The following ENPP6 variants were observed in gnomAD, a reference collection of about 807,000 sequenced individuals.
ENPP6 encodes the protein ectonucleotide pyrophosphatase/phosphodiesterase 6.
Under a neutral mutation model 42.0 loss-of-function variants are expected in ENPP6, and 32 were observed. The ratio of observed to expected loss-of-function variants is 0.76; its 90% confidence interval spans 0.58 to 1.02. The LOEUF (loss-of-function observed/expected upper bound fraction) is 1.02, where lower values mean the gene tolerates loss of function less well. ENPP6 is among the 50% of genes least tolerant of loss of function. The probability of loss-of-function intolerance (pLI) is 0.00; values close to 1 mark genes in which losing one functional copy is unlikely to be tolerated. For missense variants in ENPP6, 552 were observed against 566.8 expected (o/e 0.97, Z 0.27); for synonymous variants, 213 against 216.0 (o/e 0.99, Z 0.12).
In ENPP6 at chr4:184,117,713, G is replaced by A. The variant is rs748093395; in HGVS notation, c.675+46C>T. 11 of 1,604,620 alleles carry A rather than the reference G, an allele frequency of 6.9e-6. No homozygotes were observed. In the Middle Eastern group the frequency reaches 5.0e-4, roughly 73 times the overall value. ...AGTGACTGTGGAGGAGACAAACAGA[G>A]GGTGACAGAGAGAAGGCCAGGCCAC... On this transcript the variant is annotated intron_variant, in intron 4 of 7. Transcript: ENST00000296741.
At chr4:184,178,053 T>G (rs1164037988) in intron 1 of ENPP6, among the ~76,000 whole-genome samples, 1 of 152,032 alleles carries the variant, frequency 6.6e-6, no homozygotes, top group Non-Finnish European at 1.5e-5. Context: ...CTTCAGAAGG[T>G]GGGTAATAAC....
At chr4:184,107,816 G>A (rs1472598575) in intron 6 of ENPP6, among the ~76,000 whole-genome samples, 6 of 151,910 alleles carry the variant, frequency 3.9e-5, no homozygotes, top group Admixed American at 3.3e-4. Flanking sequence ...TCGGGAGGCT[G>A]AGGCAGGAGA....
chr4:184,110,428 C>T (rs1334649693), intron 6 of ENPP6, among the ~76,000 whole-genome samples: 2 of 152,206 alleles, frequency 1.3e-5, no homozygotes, highest in Non-Finnish European at 2.9e-5. Context: ...TGTGTGTGAA[C>T]TTCTTCCAAA....
At chr4:184,157,819 C>T (rs1052910054) in intron 1 of ENPP6, among the ~76,000 whole-genome samples, 11 of 123,612 alleles carry the variant, frequency 8.9e-5, no homozygotes, top group African/African-American at 3.3e-4. Flanking sequence ...AGGGTTTTGC[C>T]ATGTTGCCAA....
intron 2 of ENPP6, among the ~76,000 whole-genome samples, chr4:184,147,642 C>T (rs1002001690): frequency 8.6e-5 from 13 of 151,704 alleles, no homozygotes; most frequent in Middle Eastern, 3.4e-3. Context: ...CTCTACAAAA[C>T]GTAAAAAACT....
intron 7 of ENPP6, among the ~76,000 whole-genome samples, chr4:184,095,594 AG>A (rs1350458461): frequency 6.6e-6 from 1 of 151,600 alleles, no homozygotes; most frequent in Non-Finnish European, 1.5e-5. Flanking sequence ...CAGGAGGTGG[AG>A]GTTGCAGTGA....
chr4:184,137,801 C>A (rs1223489643), intron 2 of ENPP6, among the ~76,000 whole-genome samples: 1 of 152,200 alleles, frequency 6.6e-6, no homozygotes, highest in Non-Finnish European at 1.5e-5. Flanking sequence ...TTTCCCCTAA[C>A]CAATAGTGCT....
At chr4:184,147,501 C>A (rs1303344710) in intron 2 of ENPP6, among the ~76,000 whole-genome samples, 1 of 152,202 alleles carries the variant, frequency 6.6e-6, no homozygotes, top group Non-Finnish European at 1.5e-5. Context: ...AATGCTTCAG[C>A]ATGGGCCAGA....
intron 1 of ENPP6, among the ~76,000 whole-genome samples, chr4:184,163,546 TA>T (rs531449519): frequency 1.3e-5 from 2 of 151,862 alleles, no homozygotes; most frequent in Non-Finnish European, 2.9e-5. Flanking sequence ...GCTCTCGGTT[TA>T]AAAAAAAACA....
intron 2 of ENPP6, among the ~76,000 whole-genome samples, chr4:184,151,777 C>T (rs1382071439): frequency 6.6e-6 from 1 of 152,142 alleles, no homozygotes; most frequent in African/African-American, 2.4e-5. Flanking sequence ...AATCTTTGTG[C>T]TTTGACCTCA....
intron 2 of ENPP6, among the ~76,000 whole-genome samples, chr4:184,141,451 G>T (rs567042485): frequency 6.6e-6 from 1 of 152,260 alleles, no homozygotes. Context: ...CAACAAGGGC[G>T]ATGGGCTGCC....
intron 1 of ENPP6, among the ~76,000 whole-genome samples, chr4:184,201,466 G>C (rs1035018204): frequency 3.3e-5 from 5 of 151,546 alleles, no homozygotes; most frequent in African/African-American, 1.2e-4. Context: ...GGCTCCACGT[G>C]GACAAGCCTT....
chr4:184,169,957 C>T (rs905634082), intron 1 of ENPP6, among the ~76,000 whole-genome samples: 1 of 152,206 alleles, frequency 6.6e-6, no homozygotes, highest in Non-Finnish European at 1.5e-5. Context: ...CCAGACATCC[C>T]ATCTGAAGTC....
At chr4:184,179,783 A>G (rs560270159) in intron 1 of ENPP6, among the ~76,000 whole-genome samples, 1 of 152,378 alleles carries the variant, frequency 6.6e-6, no homozygotes, top group South Asian at 2.1e-4. Context: ...TGGGTAAATC[A>G]TGAAATTAAG....
chr4:184,212,677 A>C (rs558882883), intron 1 of ENPP6, among the ~76,000 whole-genome samples: 2 of 151,888 alleles, frequency 1.3e-5, no homozygotes, highest in South Asian at 4.1e-4. Context: ...GGTAATTTAC[A>C]GATTCAATGC....
At chr4:184,201,409 C>T (rs1013082092) in intron 1 of ENPP6, among the ~76,000 whole-genome samples, 4 of 151,938 alleles carry the variant, frequency 2.6e-5, no homozygotes, top group African/African-American at 7.3e-5. Context: ...GTGAGGGAGG[C>T]GGGGCGGGGG....
chr4:184,188,294 T>C (rs17075408), intron 1 of ENPP6, among the ~76,000 whole-genome samples: 3,776 of 152,204 alleles, frequency 0.025, 155 homozygotes, highest in African/African-American at 0.087. Flanking sequence ...TCAACGGAGG[T>C]TGGCGTCTGT....
intron 1 of ENPP6, among the ~76,000 whole-genome samples, chr4:184,187,940 A>C (rs537275674): frequency 1.3e-5 from 2 of 152,382 alleles, no homozygotes; most frequent in African/African-American, 2.4e-5. Context: ...AATGAAGAAT[A>C]AACCAGACTG....
intron 2 of ENPP6, among the ~76,000 whole-genome samples, chr4:184,131,179 T>TCTGTCTGTCTG (rs1736609970): frequency 1.6e-5 from 1 of 62,272 alleles, no homozygotes; most frequent in African/African-American, 7.4e-5. Flanking sequence ...CTTTCTTTCT[T>TCTGTCTGTCTG]TCTTTCTTTC....
Sources: allele counts gnomAD v4.1 joint callset (sites outside exome capture counted in the v4.1 genomes callset), GRCh38; gene constraint gnomAD v4.1.1; transcripts MANE v1.5; gene names NCBI Gene and HGNC (gene_info 2026-07-23, HGNC 2026-07-21).